DBT: variants seen among roughly 807,000 people sequenced by gnomAD.
DBT encodes the protein dihydrolipoamide branched chain transacylase E2, also known as lipoamide acyltransferase component of branched-chain alpha-keto acid dehydrogenase complex, mitochondrial.
A neutral mutation model predicts 51.3 loss-of-function variants in DBT; 40 were observed. The observed-to-expected ratio is 0.78, with a 90% CI of 0.61 to 1.02. The LOEUF is 1.02. DBT is among the 50% of genes least tolerant of loss of function. The probability of loss-of-function intolerance (pLI) is 0.00; values close to 1 mark genes in which losing one functional copy is unlikely to be tolerated. For synonymous variants in DBT, 181 were observed against 190.4 expected, an observed-to-expected ratio of 0.95 and a Z score of 0.41; for missense variants, 510 against 580.2, an observed-to-expected ratio of 0.88 and a Z score of 1.24.
At chr1:100,206,353 G>T in intron 9 of DBT, 52 bp from the exon 10 acceptor site, 1 of 1,571,686 alleles carries the variant, frequency 6.4e-7, no homozygotes. Flanking sequence ...GATTTTTCAG[G>T]GAACAAATGC....
At chr1:100,208,529 A>T (rs1392676107) in intron 8 of DBT, among the ~76,000 whole-genome samples, 1 of 152,196 alleles carries the variant, frequency 6.6e-6, no homozygotes, top group Non-Finnish European at 1.5e-5. Context: ...AATAATCATG[A>T]TGTTTATAAA....
rs1661007167 is a variant in DBT at position 100,194,991 on chromosome 1, C to A, written c.*1264G>T. On this transcript the variant is annotated 3_prime_UTR_variant, in exon 11 of 11. Transcript: ENST00000370132. ...CGTTGCTATTTCTGATTAAAGTAGA[C>A]CTTTAACAAAATGATCATTATGAAA... is the stretch of plus-strand genomic sequence containing the variant. 6.6e-6 allele frequency: 1 copy of A among 152,042 alleles called. No individual in the cohort carries two copies. Among genetic ancestry groups the A allele is most frequent in the Non-Finnish European group, 1.5e-5 (1 of 68,006 alleles). The allele number at this position is 152,042 out of a possible 1,614,324, so 9.4% of individuals were successfully genotyped here. A position where few individuals can be genotyped will look rare whatever the true frequency, so the allele number is the denominator to read the frequency against.
rs559915941 is a variant in DBT, at chr1:100,189,554, C to T, written c.*6701G>A. ...TCAGGACAGAGGTGGGTTCAGAGAA[C>T]TATTTAGGAGACATCTGGGTGGGAG... On this transcript the variant is annotated 3_prime_UTR_variant, in exon 11 of 11. Transcript: ENST00000370132. The T allele has an allele frequency of 6.6e-6, 1 of 152,002 alleles. No individual in the cohort carries two copies. The highest frequency in any genetic ancestry group is 1.5e-5 in the Non-Finnish European group (1 of 68,024). The allele number at this position is 152,002 out of a possible 1,614,324, so 9.4% of individuals were successfully genotyped here.
intron 8 of DBT, among the ~76,000 whole-genome samples, chr1:100,209,221 C>A: frequency 6.6e-6 from 1 of 151,722 alleles, no homozygotes. Context: ...GCCTCAGCCT[C>A]CCAAGCAGCT....
intron 1 of DBT, 78 bp downstream of exon 1, chr1:100,249,692 A>G: frequency 2.1e-6 from 3 of 1,423,672 alleles, no homozygotes; most frequent in Non-Finnish European, 3.0e-6. Context: ...GCACCGGAGG[A>G]GAAAGTAAAA....
Position 100,216,036 on chromosome 1 carries a change from A to G in DBT, c.719T>C (p.Leu240Pro). 6.2e-7 allele frequency: 1 copy of G among 1,613,480 alleles called. No homozygotes were observed. Among genetic ancestry groups the G allele is most frequent in the Admixed American group, 1.7e-5 (1 of 60,018 alleles). Residue 240 changes from leucine (L) to proline (P), a missense_variant, in exon 6 of 11, where the codon CTA becomes CCA. Transcript: ENST00000370132. ...PKPKDMTVPI[L>P]VSKPPVFTGK... ...TGTGAATACCGGAGGTTTTGATACT[A>G]GTATAGGAACAGTCATGTCTTTTGG...
intron 1 of DBT, among the ~76,000 whole-genome samples, chr1:100,248,730 T>G (rs1212876422): frequency 6.6e-6 from 1 of 152,206 alleles, no homozygotes; most frequent in Non-Finnish European, 1.5e-5. Flanking sequence ...GACCAATATG[T>G]GTTAAGTGTT....
At chr1:100,209,221 C>T (rs916695984) in intron 8 of DBT, among the ~76,000 whole-genome samples, 2 of 151,722 alleles carry the variant, frequency 1.3e-5, no homozygotes, top group Admixed American at 6.6e-5. Context: ...GCCTCAGCCT[C>T]CCAAGCAGCT....
intron 4 of DBT, among the ~76,000 whole-genome samples, chr1:100,219,326 T>G (rs1250351878): frequency 6.6e-6 from 1 of 152,012 alleles, no homozygotes; most frequent in Admixed American, 6.6e-5. Context: ...CACTCCAGCC[T>G]GGATGACAGT....
intron 1 of DBT, among the ~76,000 whole-genome samples, chr1:100,243,611 T>C (rs567914453): frequency 5.3e-5 from 8 of 152,264 alleles, no homozygotes; most frequent in African/African-American, 1.9e-4. Flanking sequence ...CCATGAGCCA[T>C]GGTGCCCGGC....
In DBT at chr1:100,196,435, A is replaced by ATT; in HGVS notation, c.1282-14_1282-13insAA. 8.2e-6 allele frequency: 1 copy of ATT among 122,688 alleles called. No homozygotes were observed. The highest frequency in any genetic ancestry group is 1.6e-5 in the Non-Finnish European group (1 of 61,078). 7.6% of individuals were successfully genotyped at this position (122,688 alleles called of 1,614,324 possible). A position where few individuals can be genotyped will look rare whatever the true frequency, so the allele number is the denominator to read the frequency against. Reference sequence around the variant, plus strand: ...ATCGGGGAATGGCCTAGAAATGAAAAAAAAAAAAAAAAAAAAAAAAAAAAG... The same window carrying ATT: ...ATCGGGGAATGGCCTAGAAATGAAAATTAAAAAAAAAAAAAAAAAAAAAAAAG... On this transcript the variant is annotated splice_polypyrimidine_tract_variant and intron_variant, in intron 10 of 10. Coordinates refer to ENST00000370132, the MANE Select transcript of DBT (RefSeq NM_001918.5).
At chr1:100,197,961 T>C (rs1661205432) in intron 10 of DBT, among the ~76,000 whole-genome samples, 1 of 152,140 alleles carries the variant, frequency 6.6e-6, no homozygotes, top group Non-Finnish European at 1.5e-5. Flanking sequence ...GGGAATAAGA[T>C]TTCTACTCTA....
intron 7 of DBT, chr1:100,213,264 C>T (rs888103514): frequency 1.7e-5 from 23 of 1,319,250 alleles, no homozygotes; most frequent in Non-Finnish European, 2.2e-5. Flanking sequence ...GCGTCCCCGC[C>T]GGGGCCGACA....
rs1660869181 is a variant in DBT, at chr1:100,192,759, T to C, written c.*3496A>G. ...CCTCAGACTTCCTTTCCTGTTGTAC[T>C]TCCTTTTCAAATATCAGAGGAATGC... On this transcript the variant is annotated 3_prime_UTR_variant, in exon 11 of 11. Coordinates refer to ENST00000370132, the MANE Select transcript of DBT (RefSeq NM_001918.5). 1 of 152,250 alleles carries C rather than the reference T, an allele frequency of 6.6e-6. No homozygotes were observed. The highest frequency in any genetic ancestry group is 1.5e-5 in the Non-Finnish European group (1 of 68,036). The allele number at this position is 152,250 out of a possible 1,614,324, so 9.4% of individuals were successfully genotyped here.
intron 1 of DBT, 149 bp from the exon 2 acceptor site, chr1:100,241,033 T>C: frequency 1.2e-6 from 1 of 862,562 alleles, no homozygotes; most frequent in Non-Finnish European, 1.8e-6. Context: ...TTGTTACATT[T>C]ATGATCCTTA....
intron 2 of DBT, among the ~76,000 whole-genome samples, chr1:100,236,248 C>T (rs750662477): frequency 9.8e-5 from 15 of 152,296 alleles, no homozygotes; most frequent in Non-Finnish European, 1.9e-4. Flanking sequence ...ACCCACCACA[C>T]CCAGCTTCTA....
In DBT at chr1:100,216,053, G is replaced by T. The variant is rs769175588; in HGVS notation, c.702C>A (p.Asp234Glu). The T allele has an allele frequency of 6.2e-7, 1 of 1,613,684 alleles. No homozygotes were observed. Among genetic ancestry groups the T allele is most frequent in the South Asian group, 1.1e-5 (1 of 91,076 alleles). ...TTGATACTAGTATAGGAACAGTCAT[G>T]TCTTTTGGCTTTGGTGGAGGTGGCA... Reference protein sequence around the residue: ...EIMPPPPKPKDMTVPILVSKP... With the variant: ...EIMPPPPKPKEMTVPILVSKP... The change falls in exon 6 of 11, where the codon GAC becomes GAA. Residue 234 changes from aspartate (D) to glutamate (E), a missense_variant. Asp to Glu is a conservative substitution (Grantham distance 45). Transcript: ENST00000370132.
Position 100,214,843 on chromosome 1 carries a change from G to A in DBT, c.913C>T (p.Leu305Phe). 2 of 1,614,150 alleles carry A rather than the reference G, an allele frequency of 1.2e-6. No homozygotes were observed. The highest frequency in any genetic ancestry group is 1.7e-6 in the Non-Finnish European group (2 of 1,180,026). The change falls in exon 7 of 11, where the codon CTC becomes TTC. Residue 305 changes from leucine to phenylalanine, a missense_variant. Coordinates refer to ENST00000370132, the MANE Select transcript of DBT (RefSeq NM_001918.5). ...KPIAFARGIKLSFMPFFLKAA... is the reference protein window; with the variant it reads ...KPIAFARGIKFSFMPFFLKAA... ...TTTAAGAAGAAAGGCATAAAGGAGA[G>A]TTTAATTCCACGAGCAAATGCAATG...
At chr1:100,229,176 T>G (rs1488163983) in intron 4 of DBT, among the ~76,000 whole-genome samples, 1 of 151,974 alleles carries the variant, frequency 6.6e-6, no homozygotes, top group Non-Finnish European at 1.5e-5. Flanking sequence ...TTTTTTTTCC[T>G]TTTTTTTAAG....
Sources: gnomAD v4.1 joint callset for allele counts (sites outside exome capture counted in the v4.1 genomes callset) on GRCh38, gnomAD v4.1.1 for gene constraint, MANE v1.5 for transcripts, NCBI Gene and HGNC (gene_info 2026-07-23, HGNC 2026-07-21) for gene names.